The following SGCZ variants were observed in gnomAD, a reference collection of about 807,000 sequenced individuals.
SGCZ encodes the protein zeta-sarcoglycan.
Under a neutral mutation model 41.3 loss-of-function variants are expected in SGCZ, and 40 were observed. The observed-to-expected ratio is 0.97, with a 90% CI of 0.75 to 1.26. The LOEUF (loss-of-function observed/expected upper bound fraction) is 1.26. SGCZ is among the 50% of genes most tolerant of loss of function. The probability of loss-of-function intolerance (pLI) is 0.00; values close to 1 mark genes in which losing one functional copy is unlikely to be tolerated. For missense variants in SGCZ, 552 were observed against 369.8 expected (o/e 1.49, Z -4.04); for synonymous variants, 206 against 137.5 (o/e 1.50, Z -3.49).
intron 2 of SGCZ, among the ~76,000 whole-genome samples, chr8:14,425,626 GA>G (rs1288286580): frequency 2.6e-5 from 3 of 116,764 alleles, no homozygotes; most frequent in African/African-American, 1.1e-4. Flanking sequence ...CTCTCAAAAA[GA>G]AAAAGAAAAA....
chr8:14,837,705 T>A (rs959151378), intron 1 of SGCZ, among the ~76,000 whole-genome samples: 4 of 152,184 alleles, frequency 2.6e-5, no homozygotes, highest in Admixed American at 6.6e-5. Flanking sequence ...TTTATATATT[T>A]TTTAAATTTC....
At position 14,728,209 on chromosome 8, in the gene SGCZ, T is replaced by C. The variant is rs576223955; in HGVS notation, c.40-173283A>G. Reference sequence around the variant, plus strand: ...CGAAGCAAACACTTGAAGTCTGTGTTTTTTAATTTGTGATAATTTTCTCTA... The same window carrying C: ...CGAAGCAAACACTTGAAGTCTGTGTCTTTTAATTTGTGATAATTTTCTCTA... On this transcript the variant is annotated intron_variant, in intron 1 of 7. Coordinates refer to ENST00000382080, the MANE Select transcript of SGCZ (RefSeq NM_139167.4). 2.9e-4 allele frequency among the ~76,000 whole-genome samples: 44 copies of C among 152,282 alleles called. 1 individual carries two copies. The South Asian group carries it at 7.7e-3, about 27-fold the overall frequency.
chr8:14,326,111 C>CAAAAAAAAAAAAAAAAAAAAAAAAA lies in SGCZ; in HGVS notation c.235-1908_235-1907insTTTTTTTTTTTTTTTTTTTTTTTTT, dbSNP rs56152915. ...TGGGCGAAAGAGTGAGACTCCGTCT[C>CAAAAAAAAAAAAAAAAAAAAAAAAA]AAAAAAAAAAAAAAAAAAAGATGAG... On this transcript the variant is annotated intron_variant, in intron 2 of 7. Transcript: ENST00000382080. Among the ~76,000 whole-genome samples the CAAAAAAAAAAAAAAAAAAAAAAAAA allele has an allele frequency of 1.6e-4, 6 of 37,906 alleles. 1 individual carries two copies. The highest frequency in any genetic ancestry group is 4.1e-4 in the African/African-American group (4 of 9,754). The allele number at this position is 37,906 out of a possible 152,430, so 24.9% of individuals were successfully genotyped here.
At chr8:15,124,629 T>C (rs974456211) in intron 1 of SGCZ, among the ~76,000 whole-genome samples, 1 of 152,200 alleles carries the variant, frequency 6.6e-6, no homozygotes, top group Non-Finnish European at 1.5e-5. Flanking sequence ...TGCCAAAATA[T>C]CATCCAAGCT....
At chr8:14,530,103 C>T (rs1803080250) in intron 2 of SGCZ, among the ~76,000 whole-genome samples, 1 of 151,854 alleles carries the variant, frequency 6.6e-6, no homozygotes, top group African/African-American at 2.4e-5. Context: ...CCACATTTTC[C>T]AGTATACAAA....
chr8:15,229,322 T>C (rs773813318), intron 1 of SGCZ, among the ~76,000 whole-genome samples: 1 of 152,220 alleles, frequency 6.6e-6, no homozygotes, highest in African/African-American at 2.4e-5. Flanking sequence ...TGTATAAACA[T>C]TTATTACCAC....
intron 3 of SGCZ, among the ~76,000 whole-genome samples, chr8:14,275,571 G>T (rs1017443149): frequency 1.3e-5 from 2 of 152,022 alleles, no homozygotes; most frequent in African/African-American, 4.8e-5. Context: ...AGGGTTTAGG[G>T]GAAACATAAA....
At chr8:14,996,585 G>C (rs193046193) in intron 1 of SGCZ, among the ~76,000 whole-genome samples, 10 of 152,192 alleles carry the variant, frequency 6.6e-5, no homozygotes, top group Admixed American at 5.2e-4. Flanking sequence ...GATTCTAATT[G>C]TCATTGAGGA....
At chr8:14,847,490 A>T (rs1351842780) in intron 1 of SGCZ, among the ~76,000 whole-genome samples, 1 of 144,340 alleles carries the variant, frequency 6.9e-6, no homozygotes, top group Non-Finnish European at 1.5e-5. Flanking sequence ...AATCTATGTA[A>T]TTCACCATAT....
At chr8:14,554,607 T>C (rs1803973327) in intron 2 of SGCZ, 125 bp downstream of exon 2, 2 of 786,586 alleles carry the variant, frequency 2.5e-6, no homozygotes, top group East Asian at 2.7e-5. Context: ...TTATTTTCTT[T>C]GGGATTTAAA....
chr8:14,686,304 T>G (rs370955365), intron 1 of SGCZ, among the ~76,000 whole-genome samples: 3 of 152,224 alleles, frequency 2.0e-5, no homozygotes, highest in African/African-American at 7.2e-5. Context: ...ATTTGAGTAA[T>G]TTGAAATATA....
At chr8:15,071,265 A>G (rs1036881912) in intron 1 of SGCZ, among the ~76,000 whole-genome samples, 1 of 152,232 alleles carries the variant, frequency 6.6e-6, no homozygotes, top group Non-Finnish European at 1.5e-5. Context: ...TTAGGTTTAC[A>G]GGAAAAGACT....
intron 1 of SGCZ, among the ~76,000 whole-genome samples, chr8:14,567,224 C>A (rs898545921): frequency 2.6e-5 from 4 of 152,292 alleles, no homozygotes; most frequent in African/African-American, 7.2e-5. Flanking sequence ...GGAGTGCAGG[C>A]GCACGGCTTG....
chr8:15,176,225 G>A (rs1446202926), intron 1 of SGCZ, among the ~76,000 whole-genome samples: 9 of 152,108 alleles, frequency 5.9e-5, no homozygotes, highest in Non-Finnish European at 1.5e-5. Flanking sequence ...CTTCTAGTCT[G>A]TACCATGAAA....
At position 14,949,299 on chromosome 8, in the gene SGCZ, A is replaced by C. The variant is rs144456526; in HGVS notation, c.39+288286T>G. Among the ~76,000 whole-genome samples, 617 of 152,262 alleles carry C rather than the reference A, an allele frequency of 4.1e-3. 6 individuals carry two copies. The highest frequency in any genetic ancestry group is 0.014 in the African/African-American group (596 of 41,574). On this transcript the variant is annotated intron_variant, in intron 1 of 7. Transcript: ENST00000382080. ...AGATACTGATAAGATTCTCTAGGGA[A>C]AAGTAGTAATTAGAAATATTGCTGT... is the stretch of plus-strand genomic sequence containing the variant.
intron 5 of SGCZ, among the ~76,000 whole-genome samples, chr8:14,162,416 A>G (rs1585191407): frequency 6.6e-6 from 1 of 152,290 alleles, no homozygotes; most frequent in South Asian, 2.1e-4. Flanking sequence ...AATGTTGCCC[A>G]GTTCCCCTGA....
chr8:14,621,714 A>G (rs1367226399), intron 1 of SGCZ, among the ~76,000 whole-genome samples: 1 of 148,466 alleles, frequency 6.7e-6, no homozygotes, highest in Non-Finnish European at 1.5e-5. Flanking sequence ...TCTCTTAAAC[A>G]CTCAGTCAGT....
At chr8:14,956,980 C>A (rs1157845635) in intron 1 of SGCZ, among the ~76,000 whole-genome samples, 1 of 152,070 alleles carries the variant, frequency 6.6e-6, no homozygotes, top group East Asian at 1.9e-4. Flanking sequence ...CACACACACA[C>A]TCACACATAC....
At chr8:15,149,613 T>G (rs1455658754) in intron 1 of SGCZ, among the ~76,000 whole-genome samples, 1 of 149,530 alleles carries the variant, frequency 6.7e-6, no homozygotes, top group Middle Eastern at 3.6e-3. Context: ...ATTTATCACT[T>G]ACATCATTGC....
Sources: gnomAD v4.1 joint callset for allele counts (sites outside exome capture counted in the v4.1 genomes callset) on GRCh38, gnomAD v4.1.1 for gene constraint, MANE v1.5 for transcripts, NCBI Gene and HGNC (gene_info 2026-07-23, HGNC 2026-07-21) for gene names.